Variants in PDE1C observed in about 807,000 individuals in gnomAD.
PDE1C encodes dual specificity calcium/calmodulin-dependent 3',5'-cyclic nucleotide phosphodiesterase 1C.
In PDE1C, 62 loss-of-function variants were observed where a neutral mutation model predicts 93.1. The ratio of observed to expected loss-of-function variants is 0.67; its 90% CI spans 0.54 to 0.82. The LOEUF is 0.82. PDE1C is among the 40% of genes least tolerant of loss of function. The probability of loss-of-function intolerance (pLI) is 0.00; values close to 1 mark genes in which losing one functional copy is unlikely to be tolerated. For synonymous variants in PDE1C, 325 were observed against 310.1 expected (o/e 1.05, Z -0.50); for missense variants, 742 against 884.6 (o/e 0.84, Z 2.04).
intron 16 of PDE1C, among the ~76,000 whole-genome samples, chr7:31,792,558 T>C (rs1009991498): frequency 3.3e-5 from 5 of 152,108 alleles, no homozygotes; most frequent in African/African-American, 1.2e-4. Flanking sequence ...ACATTCCCTA[T>C]GAAGAAACCC....
At chr7:32,002,074 C>T (rs532266879) in intron 2 of PDE1C, among the ~76,000 whole-genome samples, 10 of 152,060 alleles carry the variant, frequency 6.6e-5, no homozygotes, top group South Asian at 2.1e-4. Flanking sequence ...AACAAAAAAC[C>T]GCAATAGATC....
chr7:32,375,907 A>G (rs890987591), intron 1 of PDE1C, among the ~76,000 whole-genome samples: 5 of 152,174 alleles, frequency 3.3e-5, no homozygotes, highest in Admixed American at 3.3e-4. Flanking sequence ...TGTAATTCCA[A>G]CAGTTTGGGA....
intron 2 of PDE1C, among the ~76,000 whole-genome samples, chr7:32,188,977 C>G (rs1053068064): frequency 2.6e-5 from 4 of 152,122 alleles, no homozygotes; most frequent in African/African-American, 9.7e-5. Context: ...ATGCATAACC[C>G]AAGCCTAAAG....
intron 1 of PDE1C, among the ~76,000 whole-genome samples, chr7:32,066,424 A>T (rs760055014): frequency 1.6e-4 from 24 of 152,194 alleles, no homozygotes; most frequent in Non-Finnish European, 3.4e-4. Context: ...ATAAGCATAA[A>T]ATTTATTATA....
At chr7:32,141,174 A>T (rs1800499174) in intron 3 of PDE1C, among the ~76,000 whole-genome samples, 1 of 152,244 alleles carries the variant, frequency 6.6e-6, no homozygotes, top group South Asian at 2.1e-4. Flanking sequence ...GGCTGGACTT[A>T]GTGAACTGGT....
chr7:31,840,302 C>T (rs1791694216), intron 9 of PDE1C, among the ~76,000 whole-genome samples: 1 of 152,084 alleles, frequency 6.6e-6, no homozygotes, highest in Non-Finnish European at 1.5e-5. Flanking sequence ...AAACCTTTCT[C>T]ATTTTAAAAT....
chr7:31,759,321 C>G (rs1456809090), intron 17 of PDE1C, among the ~76,000 whole-genome samples: 1 of 152,110 alleles, frequency 6.6e-6, no homozygotes. Flanking sequence ...AATTGTCTGG[C>G]TATACCTAAA....
At chr7:32,155,569 A>C (rs905541806) in intron 3 of PDE1C, among the ~76,000 whole-genome samples, 4 of 152,198 alleles carry the variant, frequency 2.6e-5, no homozygotes, top group Non-Finnish European at 5.9e-5. Flanking sequence ...AGAAAAGGTT[A>C]ATTCCTCCAC....
At chr7:32,203,656 T>G (rs959068146) in intron 2 of PDE1C, among the ~76,000 whole-genome samples, 14 of 152,338 alleles carry the variant, frequency 9.2e-5, no homozygotes, top group Middle Eastern at 6.8e-3. Flanking sequence ...TCCCCCATTA[T>G]CCGAGGGGGT....
At chr7:32,364,234 T>G (rs1232754122) in intron 1 of PDE1C, among the ~76,000 whole-genome samples, 1 of 152,220 alleles carries the variant, frequency 6.6e-6, no homozygotes, top group Non-Finnish European at 1.5e-5. Flanking sequence ...AAAGTGATAT[T>G]AATTTAAATT....
chr7:31,713,466 G>C, the PDE1C span, among the ~76,000 whole-genome samples: 15 of 152,354 alleles, frequency 9.8e-5, no homozygotes, highest in Non-Finnish European at 1.9e-4. Flanking sequence ...AGCTTTTCCA[G>C]GTGGATGGTG....
the PDE1C span, chr7:31,643,926 G>A: frequency 6.2e-7 from 1 of 1,613,182 alleles, no homozygotes; most frequent in Admixed American, 1.7e-5. Flanking sequence ...AAGCCCTTCA[G>A]GACACTACAG....
intron 7 of PDE1C, among the ~76,000 whole-genome samples, chr7:31,851,465 G>C (rs1301993550): frequency 6.6e-6 from 1 of 152,160 alleles, no homozygotes; most frequent in Non-Finnish European, 1.5e-5. Context: ...ATGCACACTA[G>C]AGTTTGAAAA....
the PDE1C span, among the ~76,000 whole-genome samples, chr7:31,663,257 G>C: frequency 1.3e-4 from 20 of 152,274 alleles, no homozygotes; most frequent in African/African-American, 4.6e-4. Flanking sequence ...CAAGACAAAA[G>C]AGTCTACAGA....
the PDE1C span, among the ~76,000 whole-genome samples, chr7:31,617,529 G>A: frequency 6.6e-6 from 1 of 152,184 alleles, no homozygotes; most frequent in East Asian, 1.9e-4. Flanking sequence ...CATTGTGAGT[G>A]GAGATAAGAG....
intron 1 of PDE1C, among the ~76,000 whole-genome samples, chr7:32,426,447 G>C (rs1583440341): frequency 6.6e-6 from 1 of 151,944 alleles, no homozygotes; most frequent in Non-Finnish European, 1.5e-5. Context: ...CCAGTGTTTT[G>C]AGTTTTTGGT....
the PDE1C span, chr7:31,658,248 A>T: frequency 6.7e-7 from 1 of 1,485,526 alleles, no homozygotes; most frequent in South Asian, 1.3e-5. Flanking sequence ...GGTTTTGTTT[A>T]TTTAACACAT....
chr7:32,051,438 T>G, intron 2 of PDE1C, 116 bp downstream of exon 2: 1 of 969,316 alleles, frequency 1.0e-6, no homozygotes, highest in Non-Finnish European at 1.7e-6. Context: ...GCACGCAACA[T>G]GCTGAGAAAG....
chr7:32,175,581 T>TG (rs1346108730), intron 2 of PDE1C, among the ~76,000 whole-genome samples: 6 of 152,194 alleles, frequency 3.9e-5, no homozygotes. Context: ...CTACCATCTC[T>TG]GCACTCAAGA....
Sources: gnomAD v4.1 joint callset for allele counts (sites outside exome capture counted in the v4.1 genomes callset) on GRCh38, gnomAD v4.1.1 for gene constraint, MANE v1.5 for transcripts, NCBI Gene and HGNC (gene_info 2026-07-23, HGNC 2026-07-21) for gene names.